The following TDP1 variants were observed in gnomAD, a reference collection of about 807,000 sequenced individuals.
TDP1 encodes tyr-DNA phosphodiesterase 1.
TDP1 carries 64 observed loss-of-function variants against 81.5 expected under a neutral mutation model. The observed-to-expected ratio is 0.79, with a 90% CI of 0.64 to 0.97. The LOEUF is 0.97. Ranked by LOEUF, TDP1 falls within the 50% of genes least tolerant of loss-of-function variation. TDP1 has a pLI of 0.00. For missense variants in TDP1, 723 were observed against 743.8 expected (o/e 0.97, Z 0.33); for synonymous variants, 256 against 264.3 (o/e 0.97, Z 0.30).
intron 7 of TDP1, among the ~76,000 whole-genome samples, chr14:89,976,472 A>G (rs1267823599): frequency 3.8e-5 from 5 of 132,286 alleles, no homozygotes; most frequent in African/African-American, 1.4e-4. Context: ...TGGTCCATTC[A>G]CCACTACCCC....
intron 2 of TDP1, 67 bp from the exon 3 acceptor site, chr14:89,963,041 C>A: frequency 6.2e-7 from 1 of 1,611,672 alleles, no homozygotes; most frequent in Non-Finnish European, 8.5e-7. Context: ...AAGTTGAGAG[C>A]AATAAAGTTA....
At chr14:89,996,452 C>T (rs1896658437) in intron 14 of TDP1, among the ~76,000 whole-genome samples, 1 of 152,184 alleles carries the variant, frequency 6.6e-6, no homozygotes, top group Non-Finnish European at 1.5e-5. Flanking sequence ...TGCTGTTCAT[C>T]TTTTAAGAGT....
rs1566855454 is a variant in TDP1, at chr14:89,971,257, A to C, written c.742A>C (p.Ile248Leu). 6.2e-7 allele frequency: 1 copy of C among 1,613,872 alleles called. No individual in the cohort carries two copies. The highest frequency in any genetic ancestry group is 1.3e-5 in the African/African-American group (1 of 74,930). The change falls in exon 6 of 17, where the codon ATC (isoleucine) becomes CTC (leucine). Residue 248 changes from isoleucine to leucine, a missense_variant. Physicochemically the swap from Ile to Leu is conservative, Grantham distance 5. Coordinates refer to ENST00000335725, the MANE Select transcript of TDP1 (RefSeq NM_018319.4). ...TGCCCAGGCCAAGCCTTACGAGAAC[A>C]TCTCTCTCTGCCAGGTAAGCCACTT... ...LHAQAKPYENISLCQAKLDIA... is the reference protein window; with the variant it reads ...LHAQAKPYENLSLCQAKLDIA...
At chr14:90,017,146 A>G (rs1885408828) in intron 14 of TDP1, among the ~76,000 whole-genome samples, 1 of 151,714 alleles carries the variant, frequency 6.6e-6, no homozygotes, top group Non-Finnish European at 1.5e-5. Context: ...GGAGCAAGAG[A>G]CCCCTGTGGT....
At chr14:90,000,810 A>G (rs1056287973) in intron 14 of TDP1, among the ~76,000 whole-genome samples, 4 of 152,326 alleles carry the variant, frequency 2.6e-5, no homozygotes, top group Admixed American at 2.6e-4. Flanking sequence ...CCTTGTACAC[A>G]CTCAAAAGAC....
chr14:90,019,480 T>C, intron 15 of TDP1, 62 bp downstream of exon 15: 1 of 931,286 alleles, frequency 1.1e-6, no homozygotes, highest in East Asian at 2.4e-5. Flanking sequence ...CTTTGTGTTC[T>C]CTTCCTTTAG....
intron 14 of TDP1, among the ~76,000 whole-genome samples, chr14:89,998,354 G>A (rs1445055265): frequency 8.2e-6 from 1 of 122,220 alleles, no homozygotes; most frequent in Non-Finnish European, 1.6e-5. Flanking sequence ...AGCAGTTCCA[G>A]GCACAGTTCC....
chr14:89,983,812 T>C (rs988826593), intron 8 of TDP1, among the ~76,000 whole-genome samples: 5 of 152,216 alleles, frequency 3.3e-5, no homozygotes, highest in Non-Finnish European at 7.3e-5. Flanking sequence ...GCAAAGAGCA[T>C]TGTTTTCCTC....
chr14:90,039,896 G>A (rs954255020), intron 16 of TDP1, among the ~76,000 whole-genome samples: 13 of 152,138 alleles, frequency 8.5e-5, no homozygotes, highest in Non-Finnish European at 1.8e-4. Flanking sequence ...TCCAGATGAG[G>A]AATCTAGGGC....
At chr14:89,974,666 T>C (rs1222090919) in intron 6 of TDP1, among the ~76,000 whole-genome samples, 4 of 152,158 alleles carry the variant, frequency 2.6e-5, no homozygotes, top group Non-Finnish European at 5.9e-5. Context: ...TGCTCAGCAT[T>C]TTACATATGT....
chr14:90,037,972 C>T (rs1035524698), intron 16 of TDP1, among the ~76,000 whole-genome samples: 3 of 152,206 alleles, frequency 2.0e-5, no homozygotes, highest in Non-Finnish European at 4.4e-5. Flanking sequence ...GAACATTCTA[C>T]TTTGGGTTTT....
intron 15 of TDP1, 141 bp from the exon 16 acceptor site, chr14:90,032,965 T>A: frequency 8.4e-7 from 1 of 1,196,806 alleles, no homozygotes; most frequent in Non-Finnish European, 1.2e-6. Flanking sequence ...TATTTGCCTA[T>A]GAACATTGAA....
intron 10 of TDP1, chr14:89,986,958 C>T (rs1310223814): frequency 6.6e-6 from 1 of 152,234 alleles, no homozygotes; most frequent in Non-Finnish European, 1.5e-5. Context: ...GATACAGTTT[C>T]CAAATGTTTT....
At chr14:89,959,000 TTCAAAA>T (rs1892009697) in intron 2 of TDP1, among the ~76,000 whole-genome samples, 1 of 152,262 alleles carries the variant, frequency 6.6e-6, no homozygotes, top group Non-Finnish European at 1.5e-5. Flanking sequence ...CTGCTATTTG[TTCAAAA>T]TCAAGATTAA....
At chr14:89,987,159 C>T (rs2140108264) in intron 10 of TDP1, 1 of 152,276 alleles carries the variant, frequency 6.6e-6, no homozygotes, top group Non-Finnish European at 1.5e-5. Flanking sequence ...ATATGTAATC[C>T]TTCTAGGTAT....
At chr14:89,979,740 G>A (rs1442779498) in intron 7 of TDP1, among the ~76,000 whole-genome samples, 1 of 152,194 alleles carries the variant, frequency 6.6e-6, no homozygotes, top group African/African-American at 2.4e-5. Flanking sequence ...AAATGACAAA[G>A]TCTGGAGCTC....
chr14:89,961,609 G>A (rs1892335354), intron 2 of TDP1, among the ~76,000 whole-genome samples: 2 of 152,088 alleles, frequency 1.3e-5, no homozygotes, highest in African/African-American at 2.4e-5. Context: ...ACCGCAGAAG[G>A]GAGGGGATAT....
At chr14:89,992,264 T>C (rs1009232238) in intron 13 of TDP1, among the ~76,000 whole-genome samples, 21 of 152,230 alleles carry the variant, frequency 1.4e-4, no homozygotes, top group African/African-American at 4.8e-4. Flanking sequence ...GTTTAGAATT[T>C]ACATAAGCAG....
intron 14 of TDP1, among the ~76,000 whole-genome samples, chr14:90,013,855 A>G (rs1885003782): frequency 6.6e-6 from 1 of 151,812 alleles, no homozygotes; most frequent in African/African-American, 2.4e-5. Flanking sequence ...CTTGGCTCTC[A>G]TTTTCTCTGT....
Sources: allele counts gnomAD v4.1 joint callset (sites outside exome capture counted in the v4.1 genomes callset), GRCh38; gene constraint gnomAD v4.1.1; transcripts MANE v1.5; gene names NCBI Gene and HGNC (gene_info 2026-07-23, HGNC 2026-07-21).